The following NFXL1 variants were observed in gnomAD, a reference collection of about 807,000 sequenced individuals.
NFXL1 encodes the protein NF-X1-type zinc finger protein NFXL1.
NFXL1 carries 66 observed loss-of-function variants against 123.3 expected under a neutral mutation model. The observed-to-expected ratio is 0.54, with a 90% CI of 0.44 to 0.66. The LOEUF (loss-of-function observed/expected upper bound fraction) is 0.66. Among genes scored for constraint, NFXL1 ranks in the 30% least tolerant of loss-of-function variants. NFXL1 has a pLI of 0.00. For synonymous variants in NFXL1, 346 were observed against 360.8 expected (o/e 0.96, Z 0.46); for missense variants, 944 against 1,125.6 (o/e 0.84, Z 2.31).
intron 18 of NFXL1, among the ~76,000 whole-genome samples, chr4:47,866,059 A>G (rs2110050653): frequency 6.6e-6 from 1 of 152,266 alleles, no homozygotes; most frequent in Non-Finnish European, 1.5e-5. Context: ...ACGAGATTCA[A>G]GTAGCCAATC....
intron 21 of NFXL1, 44 bp from the exon 22 acceptor site, chr4:47,851,192 C>T (rs750937638): frequency 6.4e-6 from 9 of 1,415,010 alleles, no homozygotes; most frequent in Non-Finnish European, 9.0e-6. Context: ...TTAGTCATCA[C>T]ATTTTATATG....
chr4:47,868,090 T>C (rs1053769107), intron 18 of NFXL1, among the ~76,000 whole-genome samples: 1 of 151,652 alleles, frequency 6.6e-6, no homozygotes, highest in Non-Finnish European at 1.5e-5. Context: ...CCGAGGCGGG[T>C]GGATCACGAG....
chr4:47,877,951 C>T (rs1274390382), intron 17 of NFXL1, among the ~76,000 whole-genome samples: 1 of 151,928 alleles, frequency 6.6e-6, no homozygotes, highest in East Asian at 1.9e-4. Context: ...ATTTGTTTTT[C>T]CTTGTAAGAT....
At chr4:47,855,283 A>C in intron 19 of NFXL1, 120 bp from the exon 20 acceptor site, 1 of 447,130 alleles carries the variant, frequency 2.2e-6, no homozygotes, top group East Asian at 3.9e-5. Flanking sequence ...ATCCTAGCTA[A>C]TGGGATAATT....
intron 15 of NFXL1, 101 bp from the exon 16 acceptor site, chr4:47,879,218 G>A: frequency 2.1e-6 from 1 of 476,224 alleles, no homozygotes; most frequent in Non-Finnish European, 3.7e-6. Context: ...AAATACATAT[G>A]GAATAAGCAA....
intron 9 of NFXL1, among the ~76,000 whole-genome samples, chr4:47,897,403 G>A (rs1737149246): frequency 1.3e-5 from 2 of 152,128 alleles, no homozygotes; most frequent in South Asian, 4.1e-4. Context: ...TACATATGAT[G>A]CTGTTATTTG....
chr4:47,855,562 G>A (rs9993948), intron 19 of NFXL1, among the ~76,000 whole-genome samples: 3,004 of 151,874 alleles, frequency 0.02, 101 homozygotes, highest in African/African-American at 0.069. Flanking sequence ...ATGAAAGCTG[G>A]AGCGGTAATG....
At position 47,898,627 on chromosome 4, in the gene NFXL1, A is replaced by C. The variant is rs1229788002; in HGVS notation, c.1089+130T>G. The C allele has an allele frequency of 2.4e-5, 15 of 627,852 alleles. No individual in the cohort carries two copies. The East Asian group carries it at 4.1e-4, about 17-fold the overall frequency. The allele number at this position is 627,852 out of a possible 1,614,324, so 38.9% of individuals were successfully genotyped here. On this transcript the variant is annotated intron_variant, in intron 8 of 22. Transcript: ENST00000507489. ...TAAAAGTAGTTTCTTAAAACATGAT[A>C]TAATTCATCTGAGTTGCTATTCTTC...
At position 47,898,096 on chromosome 4, in the gene NFXL1, A is replaced by T. The variant is rs769019248; in HGVS notation, c.1090-15T>A. On this transcript the variant is annotated splice_polypyrimidine_tract_variant and intron_variant, in intron 8 of 22. Coordinates refer to ENST00000507489, the MANE Select transcript of NFXL1 (RefSeq NM_001278624.2). ...TTTCCACATACCTAAAATAAAATGC[A>T]ATAAACACTAATGAAGGATTTAAAA... 6.9e-7 allele frequency: 1 copy of T among 1,453,258 alleles called. No homozygotes were observed. The highest frequency in any genetic ancestry group is 1.2e-5 in the South Asian group (1 of 82,756). 90.0% of individuals were successfully genotyped at this position (1,453,258 alleles called of 1,614,324 possible). A position where few individuals can be genotyped will look rare whatever the true frequency, so the allele number is the denominator to read the frequency against.
Position 47,884,405 on chromosome 4 carries a change from A to G in NFXL1, c.1857T>C (p.Ser619=), listed in dbSNP as rs766772184. ...HQPTGPWEQP[S]EPAFIQTALP... ...ATGCAGTCTGAATAAATGCTGGCTC[A>G]GAAGGCTGTTCCCAAGGGCCTGTAG... The change falls in exon 15 of 23, where the codon TCT becomes TCC. Residue 619 remains serine, a synonymous_variant. Coordinates refer to ENST00000507489, the MANE Select transcript of NFXL1 (RefSeq NM_001278624.2). 1.2e-6 allele frequency: 2 copies of G among 1,612,148 alleles called. No individual in the cohort carries two copies. Among genetic ancestry groups the G allele is most frequent in the East Asian group, 4.5e-5 (2 of 44,826 alleles).
At chr4:47,908,174 C>T (rs760681930) in intron 3 of NFXL1, among the ~76,000 whole-genome samples, 28 of 152,126 alleles carry the variant, frequency 1.8e-4, no homozygotes, top group Non-Finnish European at 3.1e-4. Context: ...ACGCCTGCCA[C>T]TTTGGGAAGC....
chr4:47,888,985 G>A (rs62298260), intron 12 of NFXL1, among the ~76,000 whole-genome samples: 669 of 152,186 alleles, frequency 4.4e-3, no homozygotes, highest in Non-Finnish European at 6.9e-3. Context: ...AATATTTATG[G>A]GCTTTGCTTC....
chr4:47,854,505 T>C (rs1045984388), intron 20 of NFXL1, among the ~76,000 whole-genome samples: 6 of 152,130 alleles, frequency 3.9e-5, no homozygotes, highest in Admixed American at 3.9e-4. Context: ...TTTGTAATCA[T>C]TAGTTTTTGC....
chr4:47,867,674 AG>A (rs1735184705), intron 18 of NFXL1, among the ~76,000 whole-genome samples: 1 of 152,084 alleles, frequency 6.6e-6, no homozygotes, highest in African/African-American at 2.4e-5. Context: ...TGAAGGAGAA[AG>A]AAACAACTTT....
chr4:47,863,444 G>A (rs1734874913), intron 18 of NFXL1, among the ~76,000 whole-genome samples: 1 of 152,156 alleles, frequency 6.6e-6, no homozygotes, highest in Non-Finnish European at 1.5e-5. Context: ...CACTTTGGGA[G>A]ACTAAGGCAG....
In NFXL1 at chr4:47,899,508, T is replaced by G. The variant is rs1235009301; in HGVS notation, c.688A>C (p.Ser230Arg). 2 of 1,613,034 alleles carry G rather than the reference T, an allele frequency of 1.2e-6. No individual in the cohort carries two copies. Among genetic ancestry groups the G allele is most frequent in the Admixed American group, 1.7e-5 (1 of 59,982 alleles). Residue 230 changes from serine (S) to arginine (R), a missense_variant, in exon 6 of 23, where the codon AGT (serine) becomes CGT (arginine). Around this residue, in one of 4 missense-constraint regions of NFXL1, gnomAD observed 303 missense variants for 292.1 expected, o/e 1.04. Coordinates refer to ENST00000507489, the MANE Select transcript of NFXL1 (RefSeq NM_001278624.2). ...RFEYKRSETP[S>R]RYYCYCGKVE... ...TTTCCACAATAGCAATAGTACCTAC[T>G]AGGTGTTTCAGATCGTTTGTATTCA...
rs534595428 is a variant in NFXL1 at position 47,852,567 on chromosome 4, T to A, written c.2422-625A>T. ...CTCGACTGTTAAACTTTTTTTAAGT[T>A]TAGATGAAAATTGTTCTAAAGCTTA... On this transcript the variant is annotated intron_variant, in intron 20 of 22. Transcript: ENST00000507489. Among the ~76,000 whole-genome samples, 84 of 152,244 alleles carry A rather than the reference T, an allele frequency of 5.5e-4. 2 individuals are homozygous for A. The South Asian group carries it at 0.017, about 30-fold the overall frequency.
In NFXL1 at chr4:47,862,895, A is replaced by G. The variant is rs1396136129; in HGVS notation, c.2267T>C (p.Val756Ala). Residue 756 changes from valine (V) to alanine (A), a missense_variant, in exon 19 of 23, where the codon GTA becomes GCA. By Grantham distance (64) the Val-to-Ala change is moderately conservative. Coordinates refer to ENST00000507489, the MANE Select transcript of NFXL1 (RefSeq NM_001278624.2). ...VECRKITTAD[V>A]NEKNLLSCCK... Reference sequence around the variant, plus strand: ...ACAACTGAGGAGGTTCTTTTCATTTACATCAGCTGTGGTTATTTTTCTAAA... The same window carrying G: ...ACAACTGAGGAGGTTCTTTTCATTTGCATCAGCTGTGGTTATTTTTCTAAA... 3.2e-6 allele frequency: 5 copies of G among 1,577,000 alleles called. No individual in the cohort carries two copies. The highest frequency in any genetic ancestry group is 4.3e-6 in the Non-Finnish European group (5 of 1,165,100).
chr4:47,900,586 T>C (rs1737315335), intron 5 of NFXL1, among the ~76,000 whole-genome samples: 1 of 152,200 alleles, frequency 6.6e-6, no homozygotes, highest in African/African-American at 2.4e-5. Flanking sequence ...ACTTCCATCA[T>C]TAAAATACAT....
Sources: gnomAD v4.1 joint callset for allele counts (sites outside exome capture counted in the v4.1 genomes callset) on GRCh38, gnomAD v4.1.1 for gene constraint, gnomAD v4.1.1 regional missense constraint, MANE v1.5 for transcripts, NCBI Gene and HGNC (gene_info 2026-07-23, HGNC 2026-07-21) for gene names.